FYN: variants seen among roughly 807,000 people sequenced by gnomAD.
The protein encoded by FYN is tyrosine-protein kinase Fyn.
A neutral mutation model predicts 70.2 loss-of-function variants in FYN; 10 were observed. The observed-to-expected ratio is 0.14, with a 90% CI of 0.09 to 0.24. FYN has a LOEUF of 0.24. Ranked by LOEUF, FYN falls within the 10% of genes least tolerant of loss-of-function variation. The pLI is 1.00. For missense variants in FYN, 319 were observed against 673.1 expected, an observed-to-expected ratio of 0.47 and a Z score of 5.82; for synonymous variants, 236 against 248.6, an observed-to-expected ratio of 0.95 and a Z score of 0.48.
At chr6:111,858,675 C>T (rs965489040) in intron 1 of FYN, among the ~76,000 whole-genome samples, 9 of 152,072 alleles carry the variant, frequency 5.9e-5, no homozygotes, top group Admixed American at 2.6e-4. Flanking sequence ...GTTCTGTCCT[C>T]CCCTTGAAGT....
intron 5 of FYN, among the ~76,000 whole-genome samples, chr6:111,709,739 C>T (rs556514750): frequency 4.6e-5 from 7 of 152,120 alleles, no homozygotes; most frequent in Non-Finnish European, 1.0e-4. Context: ...AATATAGGTA[C>T]AGTATATATG....
rs558795580 is a variant in FYN at position 111,691,467 on chromosome 6, C to G, written c.1273+2908G>C. 8.5e-5 allele frequency among the ~76,000 whole-genome samples: 13 copies of G among 152,058 alleles called. 2 individuals are homozygous for G. The South Asian group carries it at 2.7e-3, about 31-fold the overall frequency. The stretch of plus-strand genomic sequence containing the variant: ...CTGTGGCCTGTGGGTAACATAAAAC[C>G]CGACTTGCAAATATTATTAGGCATG... On this transcript the variant is annotated intron_variant, in intron 12 of 13. Transcript: ENST00000354650.
At chr6:111,823,801 C>A (rs1208989639) in intron 2 of FYN, among the ~76,000 whole-genome samples, 2 of 152,060 alleles carry the variant, frequency 1.3e-5, no homozygotes, top group Admixed American at 6.6e-5. Flanking sequence ...AAAAGGAAGC[C>A]ATGAGGAAGG....
At chr6:111,785,661 CTTTTT>C (rs1318288480) in intron 2 of FYN, among the ~76,000 whole-genome samples, 1 of 151,510 alleles carries the variant, frequency 6.6e-6, no homozygotes, top group Non-Finnish European at 1.5e-5. Context: ...AATTTTTTTT[CTTTTT>C]TTCTTTTTTT....
At chr6:111,683,280 G>A (rs1054126383) in intron 12 of FYN, among the ~76,000 whole-genome samples, 2 of 152,248 alleles carry the variant, frequency 1.3e-5, no homozygotes, top group South Asian at 2.1e-4. Flanking sequence ...AGAGGCAGCC[G>A]CATTGGAATG....
At chr6:111,726,177 A>C (rs1052048866) in intron 3 of FYN, among the ~76,000 whole-genome samples, 4 of 152,268 alleles carry the variant, frequency 2.6e-5, no homozygotes, top group Non-Finnish European at 4.4e-5. Flanking sequence ...TTTGCTGAGC[A>C]GAGAATCCCC....
At chr6:111,752,068 T>C (rs1005306125) in intron 3 of FYN, among the ~76,000 whole-genome samples, 1 of 152,244 alleles carries the variant, frequency 6.6e-6, no homozygotes, top group Non-Finnish European at 1.5e-5. Context: ...GGATGTTTAT[T>C]ACTAAGGCTT....
chr6:111,779,665 A>G (rs62413688), intron 3 of FYN, among the ~76,000 whole-genome samples: 8,301 of 152,176 alleles, frequency 0.055, 476 homozygotes, highest in African/African-American at 0.15. Flanking sequence ...TATGAAGTGA[A>G]TATTGGAGGA....
At chr6:111,727,665 T>C (rs17704432) in intron 3 of FYN, among the ~76,000 whole-genome samples, 5,444 of 152,246 alleles carry the variant, frequency 0.036, 150 homozygotes, top group East Asian at 0.13. Flanking sequence ...CAGAAATAAG[T>C]GGAGTTGAAC....
chr6:111,711,833 T>C (rs1040829941), intron 5 of FYN, among the ~76,000 whole-genome samples: 1 of 152,256 alleles, frequency 6.6e-6, no homozygotes, highest in Non-Finnish European at 1.5e-5. Context: ...CTTCAGGATA[T>C]TGTCTTGTTA....
At chr6:111,683,727 C>CAA (rs10707526) in intron 12 of FYN, among the ~76,000 whole-genome samples, 2 of 148,734 alleles carry the variant, frequency 1.3e-5, no homozygotes, top group East Asian at 3.9e-4. Flanking sequence ...GGTAATAAAA[C>CAA]AAAAAAAAAA....
intron 2 of FYN, among the ~76,000 whole-genome samples, chr6:111,842,871 G>A (rs59122694): frequency 0.042 from 6,408 of 152,256 alleles, 232 homozygotes; most frequent in East Asian, 0.14. Context: ...ACTGAAAAAT[G>A]GAGCAACTTC....
At chr6:111,665,203 C>T (rs1797938534) in intron 13 of FYN, among the ~76,000 whole-genome samples, 2 of 152,056 alleles carry the variant, frequency 1.3e-5, no homozygotes, top group Admixed American at 1.3e-4. Flanking sequence ...GTTGAGCATT[C>T]CCTTTGCGTG....
chr6:111,857,827 T>C (rs181370216), intron 1 of FYN, among the ~76,000 whole-genome samples: 4 of 150,822 alleles, frequency 2.7e-5, no homozygotes, highest in South Asian at 4.2e-4. Flanking sequence ...TTCTCCTTCT[T>C]CTCCCCAGGG....
intron 3 of FYN, among the ~76,000 whole-genome samples, chr6:111,760,925 T>C (rs1802980723): frequency 6.6e-6 from 1 of 152,206 alleles, no homozygotes; most frequent in Non-Finnish European, 1.5e-5. Context: ...TGACCACCTA[T>C]GCTCAGGACC....
At chr6:111,802,798 G>A (rs2114254610) in intron 2 of FYN, among the ~76,000 whole-genome samples, 1 of 151,892 alleles carries the variant, frequency 6.6e-6, no homozygotes, top group African/African-American at 2.4e-5. Flanking sequence ...AAAATTCATT[G>A]GATTTACAAT....
chr6:111,748,254 A>G (rs2128484690), intron 3 of FYN, among the ~76,000 whole-genome samples: 1 of 152,366 alleles, frequency 6.6e-6, no homozygotes, highest in Admixed American at 6.5e-5. Context: ...AGCACAAGAC[A>G]TCTCATAAAT....
chr6:111,841,556 G>A (rs773938678), intron 2 of FYN, among the ~76,000 whole-genome samples: 60 of 152,262 alleles, frequency 3.9e-4, no homozygotes, highest in African/African-American at 1.3e-3. Flanking sequence ...CACATACAAC[G>A]TGGGGCAACC....
chr6:111,798,662 CTTCCT>C (rs145830431), intron 2 of FYN, among the ~76,000 whole-genome samples: 5,543 of 152,236 alleles, frequency 0.036, 236 homozygotes, highest in African/African-American at 0.11. Flanking sequence ...GGCTCTGACC[CTTCCT>C]GGATGTGTGG....
Sources: gnomAD v4.1 joint callset for allele counts (sites outside exome capture counted in the v4.1 genomes callset) on GRCh38, gnomAD v4.1.1 for gene constraint, MANE v1.5 for transcripts, NCBI Gene and HGNC (gene_info 2026-07-23, HGNC 2026-07-21) for gene names.